Variants in CMC2 observed in about 807,000 individuals in gnomAD.
The protein encoded by CMC2 is COX assembly mitochondrial protein 2 homolog.
CMC2 carries 5 observed loss-of-function variants against 7.5 expected under a neutral mutation model. The ratio of observed to expected loss-of-function variants is 0.66; its 90% CI spans 0.35 to 1.40. The LOEUF is 1.40. Among genes scored for constraint, CMC2 ranks in the 40% most tolerant of loss-of-function variants. CMC2 has a pLI of 0.04. For missense variants in CMC2, 115 were observed against 92.3 expected, an observed-to-expected ratio of 1.25 and a Z score of -1.01; for synonymous variants, 37 against 31.4, an observed-to-expected ratio of 1.18 and a Z score of -0.60.
chr16:80,985,783 T>C (rs745455811), intron 2 of CMC2, among the ~76,000 whole-genome samples: 4 of 150,864 alleles, frequency 2.7e-5, no homozygotes, highest in Non-Finnish European at 5.9e-5. Flanking sequence ...GAAGAAAACC[T>C]GAAGGATGAT....
At chr16:80,988,930 G>A (rs1441000156) in intron 2 of CMC2, among the ~76,000 whole-genome samples, 1 of 151,814 alleles carries the variant, frequency 6.6e-6, no homozygotes, top group African/African-American at 2.4e-5. Flanking sequence ...TTTGCAAAAT[G>A]CTCCCCCACG....
chr16:80,968,428 A>C lies in CMC2; in HGVS notation c.*7665T>G, dbSNP rs1030677169. On this transcript the variant is annotated 3_prime_UTR_variant, in exon 4 of 4. Coordinates refer to ENST00000219400, the MANE Select transcript of CMC2 (RefSeq NM_020188.5). ...TTACGCTAAAGCTGCTGGCCCACGG[A>C]CCACAGTCTAATGGCCCAAATGCAG... The C allele has an allele frequency of 1.3e-5, 2 of 152,188 alleles. No homozygotes were observed. Among genetic ancestry groups the C allele is most frequent in the African/African-American group, 4.8e-5 (2 of 41,422 alleles). 9.4% of individuals were successfully genotyped at this position (152,188 alleles called of 1,614,324 possible). A position where few individuals can be genotyped will look rare whatever the true frequency, so the allele number is the denominator to read the frequency against.
chr16:81,004,153 C>A (rs954294560), intron 1 of CMC2, among the ~76,000 whole-genome samples: 7 of 152,252 alleles, frequency 4.6e-5, no homozygotes, highest in Admixed American at 4.6e-4. Flanking sequence ...GCCCTGGAGG[C>A]AGAGGTTGCA....
At chr16:80,990,950 C>T (rs978657961) in intron 2 of CMC2, among the ~76,000 whole-genome samples, 24 of 151,342 alleles carry the variant, frequency 1.6e-4, no homozygotes, top group African/African-American at 4.6e-4. Flanking sequence ...AGGTCTTGAA[C>T]TCCTGGGCTC....
chr16:81,003,555 A>C (rs1433363361), intron 1 of CMC2, among the ~76,000 whole-genome samples: 1 of 152,198 alleles, frequency 6.6e-6, no homozygotes, highest in Non-Finnish European at 1.5e-5. Context: ...CAAAGTCACA[A>C]CCCAACATAA....
At chr16:80,999,725 T>A (rs980038842) in intron 1 of CMC2, among the ~76,000 whole-genome samples, 3 of 152,152 alleles carry the variant, frequency 2.0e-5, no homozygotes, top group Admixed American at 6.5e-5. Flanking sequence ...CATGGACCAA[T>A]GGAACATAAC....
chr16:81,006,090 G>A (rs995195576), intron 1 of CMC2, among the ~76,000 whole-genome samples: 1 of 152,140 alleles, frequency 6.6e-6, no homozygotes, highest in Non-Finnish European at 1.5e-5. Context: ...TGCCTTTGAG[G>A]TTTTAAATGA....
rs956675860 is a variant in CMC2 at position 80,990,886 on chromosome 16, C to T, written c.81+6428G>A. ...ACTACAGGCATGTGTCATCTAGTGA[C>T]ATAATTTTTTTTAATTTTTTCTAGA... On this transcript the variant is annotated intron_variant, in intron 2 of 3. Coordinates refer to ENST00000219400, the MANE Select transcript of CMC2 (RefSeq NM_020188.5). Among the ~76,000 whole-genome samples, 2 of 151,924 alleles carry T rather than the reference C, an allele frequency of 1.3e-5. 1 individual carries two copies. The highest frequency in any genetic ancestry group is 2.9e-5 in the Non-Finnish European group (2 of 67,972).
At chr16:81,002,912 G>A (rs1390184904) in intron 1 of CMC2, among the ~76,000 whole-genome samples, 1 of 152,172 alleles carries the variant, frequency 6.6e-6, no homozygotes, top group East Asian at 1.9e-4. Context: ...TTGGTAAGAA[G>A]CTACTACTTA....
At chr16:80,987,310 G>GA (rs1463786209) in intron 2 of CMC2, among the ~76,000 whole-genome samples, 5 of 152,110 alleles carry the variant, frequency 3.3e-5, no homozygotes, top group Non-Finnish European at 7.4e-5. Context: ...GAGAAAAAGG[G>GA]AAAATACAAA....
chr16:80,977,826 C>G lies in CMC2; in HGVS notation c.154-1647G>C, dbSNP rs181077335. 2.1e-4 allele frequency among the ~76,000 whole-genome samples: 32 copies of G among 152,294 alleles called. 1 individual carries two copies. Among genetic ancestry groups the G allele is most frequent in the Non-Finnish European group, 7.4e-5 (5 of 68,026 alleles). On this transcript the variant is annotated intron_variant, in intron 3 of 3. Coordinates refer to ENST00000219400, the MANE Select transcript of CMC2 (RefSeq NM_020188.5). ...GTGACTCATGCTTATAATCCCAGCA[C>G]TTTGGGAGGCTGAGGCGAGCAGATC... is the stretch of plus-strand genomic sequence containing the variant.
chr16:80,977,996 CAGA>C (rs1912632700), intron 3 of CMC2, among the ~76,000 whole-genome samples: 1 of 149,884 alleles, frequency 6.7e-6, no homozygotes, highest in Non-Finnish European at 1.5e-5. Flanking sequence ...CACTTGAATC[CAGA>C]AGGAGGAGGT....
intron 3 of CMC2, among the ~76,000 whole-genome samples, chr16:80,979,915 C>T (rs1966991594): frequency 6.6e-6 from 1 of 152,048 alleles, no homozygotes; most frequent in African/African-American, 2.4e-5. Context: ...GGCCACCACA[C>T]CCGGCCAATA....
chr16:80,983,908 G>A (rs1967322070), intron 2 of CMC2: 1 of 152,266 alleles, frequency 6.6e-6, no homozygotes, highest in Non-Finnish European at 1.5e-5. Context: ...TTGAACCTGG[G>A]AGGTGGAGGT....
At chr16:80,996,919 T>C (rs368079482) in intron 2 of CMC2, 2 of 372,308 alleles carry the variant, frequency 5.4e-6, no homozygotes, top group African/African-American at 2.1e-5. Context: ...CACGTTTCTA[T>C]TACCATTAAA....
intron 3 of CMC2, chr16:80,980,714 ACT>A: frequency 1.6e-6 from 1 of 628,210 alleles, no homozygotes; most frequent in Non-Finnish European, 2.9e-6. Context: ...AAACAGTGAG[ACT>A]CTCATCTCTA....
rs577564193 is a variant in CMC2 at position 80,991,251 on chromosome 16, C to T, written c.81+6063G>A. 1.9e-3 allele frequency among the ~76,000 whole-genome samples: 286 copies of T among 152,224 alleles called. 2 individuals carry two copies. Among genetic ancestry groups the T allele is most frequent in the African/African-American group, 6.3e-3 (263 of 41,536 alleles). ...TAGATACTCCACCACCTTGGAGGAA[C>T]AGGGTAACTTCCCAGTCCTTACGTG... On this transcript the variant is annotated intron_variant, in intron 2 of 3. Coordinates refer to ENST00000219400, the MANE Select transcript of CMC2 (RefSeq NM_020188.5).
rs569913532 is a variant in CMC2 at position 80,975,237 on chromosome 16, C to G, written c.*856G>C. 7 of 152,380 alleles carry G rather than the reference C, an allele frequency of 4.6e-5. No individual in the cohort carries two copies. Among genetic ancestry groups the G allele is most frequent in the Admixed American group, 1.3e-4 (2 of 15,304 alleles). The allele number at this position is 152,380 out of a possible 1,614,324, so 9.4% of individuals were successfully genotyped here. The stretch of plus-strand genomic sequence containing the variant: ...GGAGTTAACTGGCACCTCGAGTGGA[C>G]ACATTCAACCAAATGGGAAAGCAAA... On this transcript the variant is annotated 3_prime_UTR_variant, in exon 4 of 4. Transcript: ENST00000219400.
intron 2 of CMC2, chr16:80,988,479 G>A: frequency 2.9e-6 from 2 of 689,394 alleles, no homozygotes; most frequent in Non-Finnish European, 5.3e-6. Flanking sequence ...TCCAAGAACA[G>A]TACAAAGAAT....
Sources: allele counts gnomAD v4.1 joint callset (sites outside exome capture counted in the v4.1 genomes callset), GRCh38; gene constraint gnomAD v4.1.1; transcripts MANE v1.5; gene names NCBI Gene and HGNC (gene_info 2026-07-23, HGNC 2026-07-21).